PKP3: variants seen among roughly 807,000 people sequenced by gnomAD.
PKP3 encodes plakophilin-3.
In PKP3, 66 loss-of-function variants were observed where a neutral mutation model predicts 76.5. The observed-to-expected ratio is 0.86, with a 90% CI of 0.71 to 1.06. PKP3 has a LOEUF of 1.06. Ranked by LOEUF, PKP3 falls within the 50% of genes least tolerant of loss-of-function variation. PKP3 has a pLI of 0.00. For missense variants in PKP3, 1,338 were observed against 1,141.0 expected, an observed-to-expected ratio of 1.17 and a Z score of -2.49; for synonymous variants, 638 against 516.5, an observed-to-expected ratio of 1.24 and a Z score of -3.19.
At position 404,368 on chromosome 11, in the gene PKP3, C is replaced by G. The variant is rs771381977; in HGVS notation, c.2358+45C>G. The G allele has an allele frequency of 2.6e-6, 4 of 1,549,522 alleles. No individual in the cohort carries two copies. On this transcript the variant is annotated intron_variant, in intron 12 of 12. Transcript: ENST00000331563. This position sits in a 1 kb window ranked among gnomAD's most constrained non-coding sequence, Gnocchi z 4.2. The stretch of plus-strand genomic sequence containing the variant: ...GGCAAGCAGGGACCCGGGTGCAGGG[C>G]ATGGGACGCCGGGGGAGGGTCAGTG...
chr11:395,745 G>C (rs1382945813), intron 1 of PKP3, among the ~76,000 whole-genome samples: 1 of 152,156 alleles, frequency 6.6e-6, no homozygotes, highest in African/African-American at 2.4e-5. Context: ...GGAGGGCCAC[G>C]GCCCCTTTCC....
At position 404,215 on chromosome 11, in the gene PKP3, C is replaced by T. The variant is rs773541396; in HGVS notation, c.2271-21C>T. The T allele has an allele frequency of 6.2e-7, 1 of 1,611,430 alleles. No homozygotes were observed. The highest frequency in any genetic ancestry group is 8.5e-7 in the Non-Finnish European group (1 of 1,178,836). Reference sequence around the variant, plus strand: ...CTGCTTTCTGGCTGTGTGTCCCCTCCTGACTGCCCTCCACCCTCAGCCCCG... The same window carrying T: ...CTGCTTTCTGGCTGTGTGTCCCCTCTTGACTGCCCTCCACCCTCAGCCCCG... On this transcript the variant is annotated intron_variant, in intron 11 of 12. Coordinates refer to ENST00000331563, the MANE Select transcript of PKP3 (RefSeq NM_007183.4). This position sits in a 1 kb window ranked among gnomAD's most constrained non-coding sequence, Gnocchi z 4.2.
In PKP3 at chr11:403,789, T is replaced by C. The variant is rs1161755868; in HGVS notation, c.2077+18T>C. Reference sequence around the variant, plus strand: ...CGAGATGTGTGAGTCGGGCAGCCCCTCGTCCCTGCCCTGCTGGACCCACAT... The same window carrying C: ...CGAGATGTGTGAGTCGGGCAGCCCCCCGTCCCTGCCCTGCTGGACCCACAT... On this transcript the variant is annotated intron_variant, in intron 10 of 12. Transcript: ENST00000331563. 1.9e-6 allele frequency: 3 copies of C among 1,603,506 alleles called. No homozygotes were observed. Among genetic ancestry groups the C allele is most frequent in the South Asian group, 2.2e-5 (2 of 91,076 alleles).
chr11:403,057 A>C (rs1444850710), intron 8 of PKP3, 21 bp from the exon 9 acceptor site: 7 of 1,346,366 alleles, frequency 5.2e-6, no homozygotes, highest in Non-Finnish European at 5.7e-6. Flanking sequence ...GACCCCGCCG[A>C]CTCCTCCCCG....
At chr11:400,170 G>T (rs1847127584) in intron 6 of PKP3, 29 bp downstream of exon 6, 2 of 1,505,896 alleles carry the variant, frequency 1.3e-6, no homozygotes, top group Non-Finnish European at 1.8e-6. Context: ...GCGGGGTGGG[G>T]ATTGCAGGCG....
At chr11:403,885 C>T in intron 10 of PKP3, 58 bp from the exon 11 acceptor site, 1 of 1,561,748 alleles carries the variant, frequency 6.4e-7, no homozygotes, top group Non-Finnish European at 8.7e-7. Flanking sequence ...AGGCAGGGGA[C>T]CCCAGGTGCC....
In PKP3 at chr11:399,952, TC is replaced by T; in HGVS notation, c.1274-10del. 1 of 1,583,402 alleles carries T rather than the reference TC, an allele frequency of 6.3e-7. No homozygotes were observed. Among genetic ancestry groups the T allele is most frequent in the Non-Finnish European group, 8.6e-7 (1 of 1,166,102 alleles). ...TGGAGGGCAGACGCTGATAGCAGCC[TC>T]CCCCGTCCTCCAGGGATCCTGTGGA... On this transcript the variant is annotated splice_polypyrimidine_tract_variant and intron_variant, in intron 5 of 12. Coordinates refer to ENST00000331563, the MANE Select transcript of PKP3 (RefSeq NM_007183.4).
In PKP3 at chr11:397,210, G is replaced by A. The variant is rs1197001420; in HGVS notation, c.709G>A (p.Val237Ile). Residue 237 changes from valine to isoleucine, a missense_variant, in exon 3 of 13, where the codon GTT becomes ATT. Physicochemically the swap from Val to Ile is conservative, Grantham distance 29 (BLOSUM62 3). Coordinates refer to ENST00000331563, the MANE Select transcript of PKP3 (RefSeq NM_007183.4). ...GGLDWPEATE[V>I]SPSRTIRAPA... ...GCTGGACTGGCCCGAGGCCACTGAG[G>A]TTTCCCCGAGCCGGACCATCCGTGC... 6.3e-7 allele frequency: 1 copy of A among 1,598,834 alleles called. No individual in the cohort carries two copies. The highest frequency in any genetic ancestry group is 1.3e-5 in the African/African-American group (1 of 74,998).
intron 5 of PKP3, among the ~76,000 whole-genome samples, chr11:399,555 C>T (rs1367663740): frequency 2.5e-5 from 2 of 81,026 alleles, no homozygotes; most frequent in Admixed American, 2.5e-4. Context: ...TCTGCCTGTC[C>T]CCCTCCTCCT....
Position 400,436 on chromosome 11 carries a change from C to A in PKP3, c.1551C>A (p.Gly517=), listed in dbSNP as rs1411967829. The A allele has an allele frequency of 1.3e-6, 2 of 1,546,462 alleles. No individual in the cohort carries two copies. The highest frequency in any genetic ancestry group is 1.4e-5 in the African/African-American group (1 of 73,042). The change falls in exon 7 of 13, where the codon GGC becomes GGA. Residue 517 remains glycine, a synonymous_variant. Transcript: ENST00000331563. ...CTATCAACCACGCCCTGGACGCGGG[C>A]AAATGCGAGGACAAGGTGAGGGGCG... ...VTSINHALDA[G]KCEDKSVENA...
At position 396,887 on chromosome 11, in the gene PKP3, G is replaced by T; in HGVS notation, c.386G>T (p.Cys129Phe). Residue 129 changes from cysteine to phenylalanine, a missense_variant, in exon 3 of 13, where the codon TGC becomes TTC. By Grantham distance (205) the Cys-to-Phe change is radical. Transcript: ENST00000331563. The stretch of plus-strand genomic sequence containing the variant: ...TCCCGCTCCGCCGTGGATCTGAGCT[G>T]CAGTCGGAGGCTGAGTTCAGCCCAC... ...WSSRSAVDLS[C>F]SRRLSSAHNG... 1.9e-6 allele frequency: 3 copies of T among 1,598,094 alleles called. No individual in the cohort carries two copies. The highest frequency in any genetic ancestry group is 2.6e-6 in the Non-Finnish European group (3 of 1,175,354).
Position 403,765 on chromosome 11 carries a change from G to A in PKP3, c.2071G>A (p.Glu691Lys), listed in dbSNP as rs368034548. Residue 691 changes from glutamate (E) to lysine (K), a missense_variant, in exon 10 of 13, where the codon GAG (glutamate) becomes AAG (lysine). Transcript: ENST00000331563. ...NLSRNARNKD[E>K]MSTKVVSHLI... is the part of the protein sequence containing the mutation. ...GTCTCGGAACGCTAGGAACAAGGAC[G>A]AGATGTGTGAGTCGGGCAGCCCCTC... The A allele has an allele frequency of 7.0e-5, 113 of 1,606,242 alleles. No individual in the cohort carries two copies. Among genetic ancestry groups the A allele is most frequent in the African/African-American group, 2.4e-4 (18 of 75,032 alleles).
Position 403,162 on chromosome 11 carries a change from G to C in PKP3, c.1822G>C (p.Val608Leu). The change falls in exon 9 of 13, where the codon GTG (valine) becomes CTG (leucine). Residue 608 changes from valine to leucine, a missense_variant. By Grantham distance (32) the Val-to-Leu change is conservative. Coordinates refer to ENST00000331563, the MANE Select transcript of PKP3 (RefSeq NM_007183.4). Reference protein sequence around the residue: ...GLEWLWSPQIVGLYNRLLQRC... With the variant: ...GLEWLWSPQILGLYNRLLQRC... The stretch of plus-strand genomic sequence containing the variant: ...CGAGTGGCTGTGGAGCCCCCAGATC[G>C]TGGGGCTGTACAACCGGCTGCTGCA... 6.3e-7 allele frequency: 1 copy of C among 1,585,678 alleles called. No homozygotes were observed. Among genetic ancestry groups the C allele is most frequent in the Non-Finnish European group, 8.6e-7 (1 of 1,167,786 alleles).
At chr11:397,476 G>A (rs747888219) in intron 3 of PKP3, 31 bp downstream of exon 3, 9 of 1,611,844 alleles carry the variant, frequency 5.6e-6, no homozygotes, top group Middle Eastern at 1.7e-4. Context: ...CAGGGAGGGG[G>A]CTTCTACCAC....
Position 398,996 on chromosome 11 carries a change from G to A in PKP3, c.1073G>A (p.Arg358His), listed in dbSNP as rs201130467. The stretch of plus-strand genomic sequence containing the variant: ...CCCATATGCCTGTGCCCGCAGGCCC[G>A]CAGCCTTCAGGCCGTGCCTAGGCTG... ...YSDAAAKKQA[R>H]SLQAVPRLVK... Residue 358 changes from arginine (R) to histidine (H), a missense_variant, in exon 5 of 13, where the codon CGC (arginine) becomes CAC (histidine). Arg to His is a conservative substitution (Grantham distance 29). Transcript: ENST00000331563. The A allele has an allele frequency of 4.1e-5, 65 of 1,570,254 alleles. No homozygotes were observed. The highest frequency in any genetic ancestry group is 1.8e-4 in the African/African-American group (13 of 74,056).
At chr11:396,721 T>C in intron 2 of PKP3, 34 bp downstream of exon 2, 5 of 1,594,208 alleles carry the variant, frequency 3.1e-6, no homozygotes, top group Non-Finnish European at 4.3e-6. Context: ...GGGGACGATC[T>C]GAGCTCTGCA....
chr11:394,272 A>G lies in PKP3; in HGVS notation c.-21A>G. On this transcript the variant is annotated 5_prime_UTR_variant, in exon 1 of 13. Coordinates refer to ENST00000331563, the MANE Select transcript of PKP3 (RefSeq NM_007183.4). ...GGGTTTGGAGGCGGCCGCCAGGCCC[A>G]GGCCCGGTGGACCTGCCGCCATGCA... is the stretch of plus-strand genomic sequence containing the variant. 6.7e-7 allele frequency: 1 copy of G among 1,488,610 alleles called. No homozygotes were observed. Among genetic ancestry groups the G allele is most frequent in the Non-Finnish European group, 8.9e-7 (1 of 1,126,316 alleles). 92.2% of individuals were successfully genotyped at this position (1,488,610 alleles called of 1,614,324 possible). A position where few individuals can be genotyped will look rare whatever the true frequency, so the allele number is the denominator to read the frequency against.
chr11:403,651 C>G lies in PKP3; in HGVS notation c.1957C>G (p.Gln653Glu). The change falls in exon 10 of 13, where the codon CAG becomes GAG. Residue 653 changes from glutamine to glutamate, a missense_variant. By Grantham distance (29) the Gln-to-Glu change is conservative. Coordinates refer to ENST00000331563, the MANE Select transcript of PKP3 (RefSeq NM_007183.4). ...AGVLSRLALEQERILNPLLDR... is the reference protein window; with the variant it reads ...AGVLSRLALEEERILNPLLDR... ...GGTGCTGAGCCGCCTGGCCCTGGAG[C>G]AGGAGCGTATTCTGAACCCCCTGCT... 1 of 1,608,990 alleles carries G rather than the reference C, an allele frequency of 6.2e-7. No individual in the cohort carries two copies. The highest frequency in any genetic ancestry group is 8.5e-7 in the Non-Finnish European group (1 of 1,179,828).
Position 400,678 on chromosome 11 carries a change from C to G in PKP3, c.1710C>G (p.Phe570Leu), listed in dbSNP as rs1847140250. 2 of 1,310,634 alleles carry G rather than the reference C, an allele frequency of 1.5e-6. No individual in the cohort carries two copies. The highest frequency in any genetic ancestry group is 6.4e-5 in the East Asian group (2 of 31,258). 81.2% of individuals were successfully genotyped at this position (1,310,634 alleles called of 1,614,324 possible). A position where few individuals can be genotyped will look rare whatever the true frequency, so the allele number is the denominator to read the frequency against. Residue 570 changes from phenylalanine (F) to leucine (L), a missense_variant, in exon 8 of 13, where the codon TTC becomes TTG. Phe to Leu is a conservative substitution (Grantham distance 22). Coordinates refer to ENST00000331563, the MANE Select transcript of PKP3 (RefSeq NM_007183.4). ...GAPPGEVVGC[F>L]TPQSRRLREL... ...CGCCGGGAGAGGTCGTGGGCTGCTT[C>G]ACGCCGCAGAGCCGGCGGCTGCGCG...
Sources: gnomAD v4.1 joint callset for allele counts (sites outside exome capture counted in the v4.1 genomes callset) on GRCh38, gnomAD v4.1.1 for gene constraint, Gnocchi (gnomAD v3.1) non-coding constraint, MANE v1.5 for transcripts, NCBI Gene and HGNC (gene_info 2026-07-23, HGNC 2026-07-21) for gene names.